CR2: variants seen among roughly 807,000 people sequenced by gnomAD.
CR2 encodes the protein complement C3d receptor 2, also known as complement receptor type 2.
In CR2, 96 loss-of-function variants were observed where a neutral mutation model predicts 123.0. The observed-to-expected ratio is 0.78, with a 90% CI of 0.66 to 0.93. The LOEUF is 0.93. CR2 is among the 40% of genes least tolerant of loss of function. The pLI is 0.00. For synonymous variants in CR2, 484 were observed against 469.5 expected (o/e 1.03, Z -0.40); for missense variants, 1,258 against 1,361.0 (o/e 0.92, Z 1.19).
intron 19 of CR2, among the ~76,000 whole-genome samples, 181 bp from the exon 20 acceptor site, chr1:207,488,961 G>A (rs12068225): frequency 0.02 from 3,030 of 152,276 alleles, 104 homozygotes; most frequent in African/African-American, 0.068. Flanking sequence ...GTAGTTATTT[G>A]TTCCAGAGCA....
intron 9 of CR2, chr1:207,471,934 G>A (rs1432141979): frequency 3.8e-6 from 1 of 265,908 alleles, no homozygotes; most frequent in East Asian, 9.2e-5. Context: ...CTACAGACTA[G>A]GAGGTCCAGA....
intron 19 of CR2, among the ~76,000 whole-genome samples, chr1:207,487,766 G>A (rs1425876567): frequency 6.6e-6 from 1 of 152,210 alleles, no homozygotes; most frequent in East Asian, 1.9e-4. Flanking sequence ...GTCTGGGTAA[G>A]CTAGGAGGAA....
At position 207,486,230 on chromosome 1, in the gene CR2, C is replaced by CAAAAAAAAAAAAAAAAAA. The variant is rs1173937738; in HGVS notation, c.*18+667_*18+684dup. On this transcript the variant is annotated intron_variant, in intron 19 of 19. Coordinates refer to ENST00000367057, the MANE Select transcript of CR2 (RefSeq NM_001006658.3). ...TGGACAACAGAGCAAGACTGCATCT[C>CAAAAAAAAAAAAAAAAAA]AAAAAAAAAAAAAAAAAAAAAAAAA... 4.2e-4 allele frequency among the ~76,000 whole-genome samples: 18 copies of CAAAAAAAAAAAAAAAAAA among 43,002 alleles called. 2 individuals are homozygous for CAAAAAAAAAAAAAAAAAA. In the East Asian group the frequency reaches 5.9e-3, roughly 14 times the overall value. 28.2% of individuals were successfully genotyped at this position (43,002 alleles called of 152,430 possible). A position where few individuals can be genotyped will look rare whatever the true frequency, so the allele number is the denominator to read the frequency against.
At chr1:207,465,065 G>T (rs552582479) in intron 1 of CR2, among the ~76,000 whole-genome samples, 1 of 152,058 alleles carries the variant, frequency 6.6e-6, no homozygotes, top group African/African-American at 2.4e-5. Flanking sequence ...CGAGTAGCTG[G>T]GATTACAGGC....
intron 12 of CR2, 144 bp downstream of exon 12, chr1:207,474,029 A>T: frequency 1.2e-6 from 1 of 869,252 alleles, no homozygotes; most frequent in Non-Finnish European, 1.9e-6. Flanking sequence ...TGGCCTAAAT[A>T]GCAACTCTGA....
intron 5 of CR2, 87 bp from the exon 6 acceptor site, chr1:207,469,608 T>C: frequency 1.7e-6 from 2 of 1,206,934 alleles, no homozygotes; most frequent in Non-Finnish European, 2.5e-6. Flanking sequence ...ATCACTGTCC[T>C]AGGATAGTGG....
chr1:207,479,164 G>T lies in CR2; in HGVS notation c.3089-93G>T, dbSNP rs897185991. 7 of 988,496 alleles carry T rather than the reference G, an allele frequency of 7.1e-6. No homozygotes were observed. The East Asian group carries it at 9.6e-5, about 14-fold the overall frequency. 61.2% of individuals were successfully genotyped at this position (988,496 alleles called of 1,614,324 possible). A position where few individuals can be genotyped will look rare whatever the true frequency, so the allele number is the denominator to read the frequency against. Reference sequence around the variant, plus strand: ...AATCGACTTGGAAGGGAGCTAGAGTGTTGATTTCTGGGACATTACCATGAA... The same window carrying T: ...AATCGACTTGGAAGGGAGCTAGAGTTTTGATTTCTGGGACATTACCATGAA... On this transcript the variant is annotated intron_variant, in intron 16 of 19. Transcript: ENST00000367057.
In CR2 at chr1:207,472,961, G is replaced by A; in HGVS notation, c.1760G>A (p.Ser587Asn). The A allele has an allele frequency of 6.2e-7, 1 of 1,614,042 alleles. No individual in the cohort carries two copies. Among genetic ancestry groups the A allele is most frequent in the African/African-American group, 1.3e-5 (1 of 75,028 alleles). The change falls in exon 10 of 20, where the codon AGT (serine) becomes AAT (asparagine). Residue 587 changes from serine (S) to asparagine (N), a missense_variant. Transcript: ENST00000367057. ...TSNDQERGTW[S>N]GPAPLCKLSL... ...AATGATCAAGAAAGAGGCACCTGGA[G>A]TGGCCCTGCTCCCCTGTGTAAACTT...
In CR2 at chr1:207,474,829, C is replaced by T; in HGVS notation, c.2329C>T (p.His777Tyr). 6.2e-7 allele frequency: 1 copy of T among 1,613,968 alleles called. No individual in the cohort carries two copies. The stretch of plus-strand genomic sequence containing the variant: ...TCCCTAAATCTCTTCTGCAGTTATT[C>T]ACTGTCACCCTCCACCAGTGATTGT... ...FKKIPLCKVI[H>Y]CHPPPVIVNG... Residue 777 changes from histidine to tyrosine, a missense_variant, in exon 14 of 20, where the codon CAC becomes TAC. His to Tyr is a moderately conservative substitution (Grantham distance 83, BLOSUM62 2). Coordinates refer to ENST00000367057, the MANE Select transcript of CR2 (RefSeq NM_001006658.3).
At position 207,469,800 on chromosome 1, in the gene CR2, A is replaced by G. The variant is rs1658211632; in HGVS notation, c.923A>G (p.Asp308Gly). 6.2e-7 allele frequency: 1 copy of G among 1,613,804 alleles called. No homozygotes were observed. Among genetic ancestry groups the G allele is most frequent in the Admixed American group, 1.7e-5 (1 of 59,954 alleles). The change falls in exon 6 of 20, where the codon GAC becomes GGC. Residue 308 changes from aspartate (D) to glycine (G), a missense_variant. Coordinates refer to ENST00000367057, the MANE Select transcript of CR2 (RefSeq NM_001006658.3). ...GSIVTYTCDP[D>G]PEEGVNFILI... is the part of the protein sequence containing the mutation. Reference sequence around the variant, plus strand: ...ATAGTCACTTACACTTGTGACCCGGACCCAGAGGAAGGAGTGAACTTCATC... The same window carrying G: ...ATAGTCACTTACACTTGTGACCCGGGCCCAGAGGAAGGAGTGAACTTCATC...
In CR2 at chr1:207,473,553, T is replaced by C. The variant is rs4308977; in HGVS notation, c.1987T>C (p.Ser663Pro). The C allele has an allele frequency of 0.31, 495,669 of 1,609,678 alleles. 80,499 individuals are homozygous for C. Among genetic ancestry groups the C allele is most frequent in the African/African-American group, 0.49 (36,964 of 74,846 alleles). Residue 663 changes from serine to proline, a missense_variant, in exon 11 of 20, where the codon TCA (serine) becomes CCA (proline). Physicochemically the swap from Ser to Pro is moderately conservative, Grantham distance 74. Transcript: ENST00000367057. ...GGAGTTTTTCTCTTCAGGCTGCCAG[T>C]CACCTCCTGGGCTCCACCATGGTCG... is the stretch of plus-strand genomic sequence containing the variant. Reference protein sequence around the residue: ...EIPVCEKGCQSPPGLHHGRHT... With the variant: ...EIPVCEKGCQPPPGLHHGRHT...
At position 207,474,245 on chromosome 1, in the gene CR2, C is replaced by G. The variant is rs780494176; in HGVS notation, c.2245C>G (p.Gln749Glu). The change falls in exon 13 of 20, where the codon CAG (glutamine) becomes GAG (glutamate). Residue 749 changes from glutamine to glutamate, a missense_variant. Transcript: ENST00000367057. ...LVNTSCQDGY[Q>E]LTGHAYQMCQ... Reference sequence around the variant, plus strand: ...TTATAATCTGTCTCTCTGTAGGTACCAGTTGACTGGACATGCTTATCAGAT... The same window carrying G: ...TTATAATCTGTCTCTCTGTAGGTACGAGTTGACTGGACATGCTTATCAGAT... 5 of 1,610,488 alleles carry G rather than the reference C, an allele frequency of 3.1e-6. No homozygotes were observed. The highest frequency in any genetic ancestry group is 1.7e-5 in the Admixed American group (1 of 59,966).
intron 16 of CR2, 146 bp from the exon 17 acceptor site, chr1:207,479,111 A>G (rs2102310719): frequency 1.5e-6 from 1 of 689,198 alleles, no homozygotes; most frequent in South Asian, 1.6e-5. Context: ...GGCATGTGCC[A>G]CTGTGCCTGG....
Position 207,454,483 on chromosome 1 carries a change from T to G in CR2, c.58+7T>G. On this transcript the variant is annotated splice_region_variant and intron_variant, in intron 1 of 19. Transcript: ENST00000367057. This position sits in a 1 kb window ranked among gnomAD's most constrained non-coding sequence, Gnocchi z 4.3. Reference sequence around the variant, plus strand: ...GTCGCACCGGGGGTCCTCGGTGAGCTGGGAGGGGGAGCACGGAGGTGGGGA... The same window carrying G: ...GTCGCACCGGGGGTCCTCGGTGAGCGGGGAGGGGGAGCACGGAGGTGGGGA... The G allele has an allele frequency of 1.3e-6, 2 of 1,550,302 alleles. No homozygotes were observed. The highest frequency in any genetic ancestry group is 1.7e-6 in the Non-Finnish European group (2 of 1,151,790).
intron 18 of CR2, among the ~76,000 whole-genome samples, chr1:207,484,815 G>A (rs576494111): frequency 2.0e-5 from 3 of 152,280 alleles, no homozygotes; most frequent in East Asian, 3.9e-4. Context: ...CTTCAAACTC[G>A]TTTAAAGCTT....
chr1:207,477,827 C>A, intron 15 of CR2, 58 bp from the exon 16 acceptor site: 1 of 1,531,006 alleles, frequency 6.5e-7, no homozygotes, highest in Non-Finnish European at 9.0e-7. Context: ...GAAATTTCTG[C>A]TTTCTTGGTA....
At chr1:207,473,436 T>C (rs977394272) in intron 10 of CR2, 109 bp from the exon 11 acceptor site, 2 of 1,267,392 alleles carry the variant, frequency 1.6e-6, no homozygotes, top group African/African-American at 1.5e-5. Context: ...TTGAGCTTCA[T>C]GATCTTTGGC....
At chr1:207,462,332 C>T (rs1483821080) in intron 1 of CR2, among the ~76,000 whole-genome samples, 1 of 152,094 alleles carries the variant, frequency 6.6e-6, no homozygotes, top group Non-Finnish European at 1.5e-5. Context: ...AATTAGAGAA[C>T]TATAGGCCCT....
chr1:207,467,950 T>C (rs1313412526), intron 2 of CR2, among the ~76,000 whole-genome samples: 1 of 152,164 alleles, frequency 6.6e-6, no homozygotes, highest in Non-Finnish European at 1.5e-5. Flanking sequence ...GCCCTTGAAA[T>C]GATAGCATGC....
Sources: gnomAD v4.1 joint callset for allele counts (sites outside exome capture counted in the v4.1 genomes callset) on GRCh38, gnomAD v4.1.1 for gene constraint, Gnocchi (gnomAD v3.1) non-coding constraint, MANE v1.5 for transcripts, NCBI Gene and HGNC (gene_info 2026-07-23, HGNC 2026-07-21) for gene names.